DDX42: variants seen among roughly 807,000 people sequenced by gnomAD.
DDX42 encodes DEAD-box helicase 42.
In DDX42, 22 loss-of-function variants were observed where a neutral mutation model predicts 101.5. That is an observed-to-expected ratio of 0.22 (90% CI 0.15 to 0.31). The LOEUF (loss-of-function observed/expected upper bound fraction) is 0.31. Among genes scored for constraint, DDX42 ranks in the 10% least tolerant of loss-of-function variants. The pLI is 1.00. For missense variants in DDX42, 849 were observed against 1,199.9 expected, an observed-to-expected ratio of 0.71 and a Z score of 4.32; for synonymous variants, 402 against 401.2, an observed-to-expected ratio of 1.00 and a Z score of -0.02.
rs149864178 is a variant in DDX42 at position 63,780,589 on chromosome 17, A to G, written c.-17+6213A>G. 8.3e-3 allele frequency among the ~76,000 whole-genome samples: 1,269 copies of G among 152,322 alleles called. 13 individuals carry two copies. Among genetic ancestry groups the G allele is most frequent in the Non-Finnish European group, 0.014 (949 of 68,024 alleles). The stretch of plus-strand genomic sequence containing the variant: ...ATAGAGCTAACATTCTACTCAGGGT[A>G]TATAGAAAGCACAGTTCCTTGGCCT... On this transcript the variant is annotated intron_variant, in intron 1 of 17. Coordinates refer to ENST00000389924, the MANE Select transcript of DDX42 (RefSeq NM_203499.3).
intron 6 of DDX42, among the ~76,000 whole-genome samples, chr17:63,804,267 A>C (rs2144571540): frequency 6.6e-6 from 1 of 152,178 alleles, no homozygotes. Flanking sequence ...CAACATAGCA[A>C]GACCCTGTCT....
intron 6 of DDX42, among the ~76,000 whole-genome samples, chr17:63,801,933 C>T (rs931636899): frequency 2.0e-5 from 3 of 150,824 alleles, no homozygotes; most frequent in Admixed American, 1.3e-4. Flanking sequence ...GCCGAGATCT[C>T]ACATACACTA....
chr17:63,796,254 T>C (rs2039691135), intron 3 of DDX42, among the ~76,000 whole-genome samples: 1 of 152,216 alleles, frequency 6.6e-6, no homozygotes, highest in South Asian at 2.1e-4. Context: ...CAAACTGGCA[T>C]AGCCCTTTCT....
rs116484944 is a variant in DDX42, at chr17:63,792,883, A to G, written c.372+321A>G. 8.6e-3 allele frequency among the ~76,000 whole-genome samples: 1,316 copies of G among 152,290 alleles called. 18 individuals carry two copies. Among genetic ancestry groups the G allele is most frequent in the African/African-American group, 0.03 (1,262 of 41,564 alleles). On this transcript the variant is annotated intron_variant, in intron 3 of 17. Coordinates refer to ENST00000389924, the MANE Select transcript of DDX42 (RefSeq NM_203499.3). Reference sequence around the variant, plus strand: ...ATTCAATCTAGCATTTGTTAAGTACATATTTATGTAAGGTAATTAAACTTA... The same window carrying G: ...ATTCAATCTAGCATTTGTTAAGTACGTATTTATGTAAGGTAATTAAACTTA...
intron 2 of DDX42, 52 bp downstream of exon 2, chr17:63,787,322 T>G (rs1437576259): frequency 1.3e-6 from 2 of 1,557,342 alleles, no homozygotes; most frequent in Admixed American, 1.8e-5. Flanking sequence ...GATATATTCA[T>G]TCTATCAGCA....
chr17:63,781,585 G>A lies in DDX42; in HGVS notation c.-16-5449G>A, dbSNP rs192916567. Among the ~76,000 whole-genome samples, 93 of 152,022 alleles carry A rather than the reference G, an allele frequency of 6.1e-4. 1 individual carries two copies. Among genetic ancestry groups the A allele is most frequent in the Middle Eastern group, 3.4e-3 (1 of 294 alleles). On this transcript the variant is annotated intron_variant, in intron 1 of 17. Transcript: ENST00000389924. The stretch of plus-strand genomic sequence containing the variant: ...CTATAGAGCTTCTTTCTCCTCACCC[G>A]TGTTCCTCCTTGTCTCCCCTTCCTT...
rs2040010064 is a variant in DDX42 at position 63,818,625 on chromosome 17, C to T, written c.*227C>T. 2 of 507,874 alleles carry T rather than the reference C, an allele frequency of 3.9e-6. No individual in the cohort carries two copies. Among genetic ancestry groups the T allele is most frequent in the Non-Finnish European group, 7.0e-6 (2 of 284,032 alleles). The allele number at this position is 507,874 out of a possible 1,614,324, so 31.5% of individuals were successfully genotyped here. ...GTGAGAGCTGGGAAGCTTCTTTTGGCTCTAGGTGAGTTGTCATGTGGGTAA... is the reference window on the plus strand; with the variant it reads ...GTGAGAGCTGGGAAGCTTCTTTTGGTTCTAGGTGAGTTGTCATGTGGGTAA... On this transcript the variant is annotated 3_prime_UTR_variant, in exon 18 of 18. Coordinates refer to ENST00000389924, the MANE Select transcript of DDX42 (RefSeq NM_203499.3).
At chr17:63,774,616 G>A in intron 1 of DDX42, 1 of 154,478 alleles carries the variant, frequency 6.5e-6, no homozygotes, top group Non-Finnish European at 1.4e-5. Context: ...TCTTACCGAG[G>A]CCCAGTTGGC....
At chr17:63,799,019 A>AT (rs1567737580) in intron 4 of DDX42, among the ~76,000 whole-genome samples, 1 of 152,230 alleles carries the variant, frequency 6.6e-6, no homozygotes, top group African/African-American at 2.4e-5. Flanking sequence ...CTCCTGAGAC[A>AT]TACAGCAAGT....
In DDX42 at chr17:63,809,564, G is replaced by A. The variant is rs761514497; in HGVS notation, c.1157G>A (p.Arg386Gln). The change falls in exon 11 of 18, where the codon CGA becomes CAA. Residue 386 changes from arginine to glutamine, a missense_variant. Arg to Gln is a conservative substitution (Grantham distance 43). Coordinates refer to ENST00000389924, the MANE Select transcript of DDX42 (RefSeq NM_203499.3). ...TTCATTTTGTTGATCTTATAGGGTC[G>A]ACTGATAGATCATGTGAAAAAGAAA... ...GAEIVVCTPG[R>Q]LIDHVKKKAT... 2 of 1,613,248 alleles carry A rather than the reference G, an allele frequency of 1.2e-6. No homozygotes were observed. Among genetic ancestry groups the A allele is most frequent in the Non-Finnish European group, 1.7e-6 (2 of 1,179,336 alleles).
chr17:63,778,185 C>CT (rs1473401629), intron 1 of DDX42, among the ~76,000 whole-genome samples: 5 of 152,184 alleles, frequency 3.3e-5, no homozygotes, highest in African/African-American at 1.2e-4. Flanking sequence ...GTAAAACTTG[C>CT]TTTTCTCTTT....
In DDX42 at chr17:63,817,798, T is replaced by G; in HGVS notation, c.2217T>G (p.Ser739=). 6.2e-7 allele frequency: 1 copy of G among 1,614,222 alleles called. No individual in the cohort carries two copies. Among genetic ancestry groups the G allele is most frequent in the Non-Finnish European group, 8.5e-7 (1 of 1,180,040 alleles). The change falls in exon 18 of 18, where the codon TCT becomes TCG. Residue 739 remains serine (S), a synonymous_variant. Coordinates refer to ENST00000389924, the MANE Select transcript of DDX42 (RefSeq NM_203499.3). The part of the protein sequence containing the change: ...SGWTSAGSLN[S]VPTNSAQQGH... ...GGACTAGTGCAGGGAGCTTGAATTCTGTTCCAACTAACTCAGCACAACAGG... is the reference window on the plus strand; with the variant it reads ...GGACTAGTGCAGGGAGCTTGAATTCGGTTCCAACTAACTCAGCACAACAGG...
intron 14 of DDX42, 33 bp downstream of exon 14, chr17:63,812,241 C>T: frequency 3.8e-6 from 6 of 1,597,052 alleles, no homozygotes; most frequent in Middle Eastern, 1.7e-4. Context: ...ACATTAAGTT[C>T]CTAGGCTATA....
In DDX42 at chr17:63,815,556, A is replaced by G; in HGVS notation, c.1903-7A>G. 1 of 1,608,314 alleles carries G rather than the reference A, an allele frequency of 6.2e-7. No individual in the cohort carries two copies. The highest frequency in any genetic ancestry group is 8.5e-7 in the Non-Finnish European group (1 of 1,175,284). ...CTTGACTTAACCTTGAATTTTGTTCAATGCAGAATGCCTGGTTTCGGAAAT... is the reference window on the plus strand; with the variant it reads ...CTTGACTTAACCTTGAATTTTGTTCGATGCAGAATGCCTGGTTTCGGAAAT... On this transcript the variant is annotated splice_polypyrimidine_tract_variant and splice_region_variant and intron_variant, in intron 15 of 17. Transcript: ENST00000389924.
chr17:63,813,066 G>A (rs113422001), intron 14 of DDX42, among the ~76,000 whole-genome samples, 162 bp from the exon 15 acceptor site: 5 of 152,180 alleles, frequency 3.3e-5, no homozygotes, highest in African/African-American at 1.2e-4. Context: ...TAACATCATA[G>A]AATCTGTGGT....
intron 1 of DDX42, among the ~76,000 whole-genome samples, chr17:63,779,744 T>C (rs1421159995): frequency 6.6e-6 from 1 of 152,050 alleles, no homozygotes; most frequent in East Asian, 1.9e-4. Context: ...TATCTCTTTT[T>C]TTTTTCTTTT....
chr17:63,803,831 G>A (rs1242111231), intron 6 of DDX42, among the ~76,000 whole-genome samples: 1 of 151,480 alleles, frequency 6.6e-6, no homozygotes, highest in Non-Finnish European at 1.5e-5. Flanking sequence ...TGTATTTTTG[G>A]TAGAGACGGG....
chr17:63,780,416 G>A (rs920649181), intron 1 of DDX42, among the ~76,000 whole-genome samples: 2 of 152,328 alleles, frequency 1.3e-5, no homozygotes, highest in South Asian at 2.1e-4. Context: ...AACAAGGTTT[G>A]TAGTAATAAA....
intron 1 of DDX42, among the ~76,000 whole-genome samples, chr17:63,786,466 C>T (rs1377071301): frequency 6.6e-6 from 1 of 152,126 alleles, no homozygotes; most frequent in African/African-American, 2.4e-5. Context: ...TCTCTGTCAC[C>T]CAGGCTTGAG....
Sources: gnomAD v4.1 joint callset for allele counts (sites outside exome capture counted in the v4.1 genomes callset) on GRCh38, gnomAD v4.1.1 for gene constraint, MANE v1.5 for transcripts, NCBI Gene and HGNC (gene_info 2026-07-23, HGNC 2026-07-21) for gene names.